ELFN1: variants seen among roughly 807,000 people sequenced by gnomAD.
ELFN1 encodes protein ELFN1.
Under a neutral mutation model 7.6 loss-of-function variants are expected in ELFN1, and 6 were observed. That is an observed-to-expected ratio of 0.79 (90% CI 0.43 to 1.56). The LOEUF is 1.56. Ranked by LOEUF, ELFN1 falls within the 40% of genes most tolerant of loss-of-function variation. The pLI is 0.01. For synonymous variants in ELFN1, 657 were observed against 588.1 expected (o/e 1.12, Z -1.70); for missense variants, 1,169 against 1,232.2 (o/e 0.95, Z 0.77).
At chr7:1,727,107 T>C (rs1159784126) in intron 3 of ELFN1, among the ~76,000 whole-genome samples, 8 of 152,186 alleles carry the variant, frequency 5.3e-5, no homozygotes, top group African/African-American at 1.7e-4. Flanking sequence ...ACAGCAACCC[T>C]GTTCCGTCCA....
rs1779941669 is a variant in ELFN1, at chr7:1,719,315, G to GGCCCCGCCC, written c.-294+10063_-294+10064insGCCCCGCCC. Among the ~76,000 whole-genome samples the GGCCCCGCCC allele has an allele frequency of 9.3e-5, 11 of 118,560 alleles. 1 individual carries two copies. Among genetic ancestry groups the GGCCCCGCCC allele is most frequent in the Admixed American group, 8.1e-4 (10 of 12,338 alleles). The allele number at this position is 118,560 out of a possible 152,430, so 77.8% of individuals were successfully genotyped here. On this transcript the variant is annotated intron_variant, in intron 3 of 3. Transcript: ENST00000424383. ...CCAACAGGGCCCCGCCCACCAACAG[G>GGCCCCGCCC]ACCCAAGCCACCAACAGGGCCCCGC...
In ELFN1 at chr7:1,689,243, G is replaced by A. The variant is rs942440032; in HGVS notation, c.-456+1093G>A. Among the ~76,000 whole-genome samples, 5 of 152,218 alleles carry A rather than the reference G, an allele frequency of 3.3e-5. No homozygotes were observed. The East Asian group carries it at 5.8e-4, about 18-fold the overall frequency. ...GGCCTCTCTACTCAGCATACTGTATGTAGTGTGTATATATGTGTGCATGCT... is the reference window on the plus strand; with the variant it reads ...GGCCTCTCTACTCAGCATACTGTATATAGTGTGTATATATGTGTGCATGCT... On this transcript the variant is annotated intron_variant, in intron 2 of 3. Coordinates refer to ENST00000424383, the MANE Select transcript of ELFN1 (RefSeq NM_001128636.4).
In ELFN1 at chr7:1,705,215, C is replaced by G. The variant is rs746254818; in HGVS notation, c.-455-3876C>G. Among the ~76,000 whole-genome samples, 1 of 152,118 alleles carries G rather than the reference C, an allele frequency of 6.6e-6. No homozygotes were observed. The highest frequency in any genetic ancestry group is 1.5e-5 in the Non-Finnish European group (1 of 67,992). On this transcript the variant is annotated intron_variant, in intron 2 of 3. Transcript: ENST00000424383. This position sits in a 1 kb window ranked among gnomAD's most constrained non-coding sequence, Gnocchi z 4.3. ...AGGGTGGCAGGGACCCTGGGCGGGG[C>G]GGCACAGCTGTGCGGGAGGCTGGGC...
upstream of ELFN1, among the ~76,000 whole-genome samples, chr7:1,667,326 C>T (rs1404538813): frequency 1.3e-5 from 2 of 152,216 alleles, no homozygotes; most frequent in Admixed American, 1.3e-4. This position sits in a 1 kb window ranked among gnomAD's most constrained non-coding sequence, Gnocchi z 8.2. Context: ...CCACGGCGAG[C>T]GCAACACATT....
intron 1 of ELFN1, among the ~76,000 whole-genome samples, chr7:1,671,566 C>T (rs1778767823): frequency 6.6e-6 from 1 of 152,240 alleles, no homozygotes; most frequent in Non-Finnish European, 1.5e-5. Flanking sequence ...CCCATATTGC[C>T]TCTCTCAGGG....
intron 2 of ELFN1, chr7:1,694,107 T>G (rs183343347): frequency 2.4e-5 from 6 of 247,802 alleles, no homozygotes; most frequent in African/African-American, 1.3e-4. Flanking sequence ...AACCGAGGCT[T>G]GAAGCAGCTC....
In ELFN1 at chr7:1,746,270, C is replaced by T. The variant is rs554272019; in HGVS notation, c.1674C>T (p.Ile558=). 7.5e-6 allele frequency: 12 copies of T among 1,595,752 alleles called. No homozygotes were observed. The East Asian group carries it at 1.1e-4, about 15-fold the overall frequency. ...GTTCGGTGGCCGAGATCTCCACCAT[C>T]GCCAAGGAGGTGGACAAGGTCAACC... The part of the protein sequence containing the change: ...SQSSVAEIST[I]AKEVDKVNQI... The change falls in exon 4 of 4, where the codon ATC becomes ATT. Residue 558 remains isoleucine, a synonymous_variant. Coordinates refer to ENST00000424383, the MANE Select transcript of ELFN1 (RefSeq NM_001128636.4).
At chr7:1,711,187 C>A (rs1300855202) in intron 3 of ELFN1, among the ~76,000 whole-genome samples, 1 of 152,220 alleles carries the variant, frequency 6.6e-6, no homozygotes, top group African/African-American at 2.4e-5. Flanking sequence ...TACCCTTCCC[C>A]TGGGAATATG....
At chr7:1,720,597 G>T (rs1779989804) in intron 3 of ELFN1, among the ~76,000 whole-genome samples, 1 of 152,178 alleles carries the variant, frequency 6.6e-6, no homozygotes, top group Non-Finnish European at 1.5e-5. Context: ...GCGCCAGCTT[G>T]TGTGCCAAGA....
rs114145328 is a variant in ELFN1 at position 1,694,656 on chromosome 7, C to T, written c.-456+6506C>T. On this transcript the variant is annotated intron_variant, in intron 2 of 3. Transcript: ENST00000424383. ...GTCAGCTCCCCCAGCACCCAGACGC[C>T]CACCTGCCCAGGTGCAGAGGCCCTT... is the stretch of plus-strand genomic sequence containing the variant. Among the ~76,000 whole-genome samples, 623 of 152,348 alleles carry T rather than the reference C, an allele frequency of 4.1e-3. 3 individuals carry two copies. The highest frequency in any genetic ancestry group is 0.015 in the African/African-American group (604 of 41,590).
At chr7:1,713,267 G>A (rs1307987348) in intron 3 of ELFN1, among the ~76,000 whole-genome samples, 1 of 152,218 alleles carries the variant, frequency 6.6e-6, no homozygotes, top group African/African-American at 2.4e-5. Flanking sequence ...TTTGTTGAAT[G>A]AGTAGATGGG....
upstream of ELFN1, among the ~76,000 whole-genome samples, chr7:1,668,328 C>T (rs998132305): frequency 1.3e-5 from 2 of 152,244 alleles, no homozygotes; most frequent in African/African-American, 2.4e-5. Context: ...TCCGGGCAGG[C>T]GCCCAGCACA....
chr7:1,682,499 G>A (rs984945506), intron 1 of ELFN1, among the ~76,000 whole-genome samples: 5 of 152,030 alleles, frequency 3.3e-5, no homozygotes, highest in South Asian at 2.1e-4. Flanking sequence ...GGAGTGCAGC[G>A]GTATGATCAC....
chr7:1,676,824 C>T (rs1000272977), intron 1 of ELFN1, among the ~76,000 whole-genome samples: 7 of 152,182 alleles, frequency 4.6e-5, no homozygotes, highest in Admixed American at 1.3e-4. Flanking sequence ...GCTCCTGTGT[C>T]GGAGCTCTTG....
At chr7:1,738,233 C>T (rs893613558) in intron 3 of ELFN1, among the ~76,000 whole-genome samples, 6 of 152,154 alleles carry the variant, frequency 3.9e-5, no homozygotes, top group East Asian at 3.9e-4. Context: ...TGCCCAGGGC[C>T]GGGCACGTGG....
At chr7:1,672,056 C>T (rs1436859747) in intron 1 of ELFN1, among the ~76,000 whole-genome samples, 1 of 152,226 alleles carries the variant, frequency 6.6e-6, no homozygotes, top group African/African-American at 2.4e-5. Context: ...CAGCCCCCTC[C>T]TCCTCGGCCG....
In ELFN1 at chr7:1,747,558, C is replaced by T. The variant is rs1164285438; in HGVS notation, c.*475C>T. 2 of 165,916 alleles carry T rather than the reference C, an allele frequency of 1.2e-5. No homozygotes were observed. Among genetic ancestry groups the T allele is most frequent in the Non-Finnish European group, 2.9e-5 (2 of 68,174 alleles). 10.3% of individuals were successfully genotyped at this position (165,916 alleles called of 1,614,324 possible). On this transcript the variant is annotated 3_prime_UTR_variant, in exon 4 of 4. Transcript: ENST00000424383. Reference sequence around the variant, plus strand: ...GGCGTGGCCACCTCGGGGCCCCTCACGTGATCTCCTCGGTCCGTGGTTTTC... The same window carrying T: ...GGCGTGGCCACCTCGGGGCCCCTCATGTGATCTCCTCGGTCCGTGGTTTTC...
At chr7:1,691,606 C>T (rs1779166472) in intron 2 of ELFN1, among the ~76,000 whole-genome samples, 1 of 152,214 alleles carries the variant, frequency 6.6e-6, no homozygotes, top group African/African-American at 2.4e-5. Context: ...CAGGCCCGAC[C>T]CACTGCTCCC....
chr7:1,734,289 C>T (rs182311959), intron 3 of ELFN1, among the ~76,000 whole-genome samples: 321 of 152,236 alleles, frequency 2.1e-3, no homozygotes, highest in Non-Finnish European at 3.5e-3. Flanking sequence ...GCCAGCTACC[C>T]GCACCCCACA....
Sources: allele counts gnomAD v4.1 joint callset (sites outside exome capture counted in the v4.1 genomes callset), GRCh38; gene constraint gnomAD v4.1.1; non-coding constraint Gnocchi (gnomAD v3.1); transcripts MANE v1.5; gene names NCBI Gene and HGNC (gene_info 2026-07-23, HGNC 2026-07-21).